Variants in CRIM1 observed in about 807,000 individuals in gnomAD.
CRIM1 encodes cysteine rich transmembrane BMP regulator 1.
CRIM1 carries 32 observed loss-of-function variants against 116.4 expected under a neutral mutation model. The observed-to-expected ratio is 0.27, with a 90% CI of 0.21 to 0.37. The LOEUF (loss-of-function observed/expected upper bound fraction) is 0.37, where lower values mean the gene tolerates loss of function less well. Among genes scored for constraint, CRIM1 ranks in the 10% least tolerant of loss-of-function variants. The pLI, the probability that CRIM1 is intolerant of heterozygous loss-of-function variation, is 1.00. For synonymous variants in CRIM1, 590 were observed against 509.2 expected, an observed-to-expected ratio of 1.16 and a Z score of -2.13; for missense variants, 1,331 against 1,354.8, an observed-to-expected ratio of 0.98 and a Z score of 0.28.
At chr2:36,478,583 G>A (rs1424255153) in intron 6 of CRIM1, among the ~76,000 whole-genome samples, 1 of 152,194 alleles carries the variant, frequency 6.6e-6, no homozygotes, top group Non-Finnish European at 1.5e-5. Flanking sequence ...TCCTAACGCT[G>A]TGATGGCATT....
intron 1 of CRIM1, among the ~76,000 whole-genome samples, chr2:36,357,837 C>A (rs1461073321): frequency 6.6e-6 from 1 of 152,152 alleles, no homozygotes; most frequent in Non-Finnish European, 1.5e-5. Context: ...ACGGTTTATT[C>A]CGAAGCATCT....
Position 36,375,016 on chromosome 2 carries a change from A to G in CRIM1, c.331+18393A>G, listed in dbSNP as rs540639877. 1.5e-4 allele frequency among the ~76,000 whole-genome samples: 23 copies of G among 151,632 alleles called. No individual in the cohort carries two copies. The South Asian group carries it at 4.2e-3, about 27-fold the overall frequency. Reference sequence around the variant, plus strand: ...TTCTGTTGCTTTTTTTTTTTGTAGCATATTATTATATTGCAGATGTTTACT... The same window carrying G: ...TTCTGTTGCTTTTTTTTTTTGTAGCGTATTATTATATTGCAGATGTTTACT... On this transcript the variant is annotated intron_variant, in intron 1 of 16. Coordinates refer to ENST00000280527, the MANE Select transcript of CRIM1 (RefSeq NM_016441.3).
At chr2:36,544,553 G>C (rs1334024228) in intron 15 of CRIM1, 55 bp downstream of exon 15, 1 of 1,309,728 alleles carries the variant, frequency 7.6e-7, no homozygotes, top group Non-Finnish European at 9.8e-7. Context: ...CTACTTAGGT[G>C]TTTTCTAATT....
intron 1 of CRIM1, among the ~76,000 whole-genome samples, chr2:36,370,121 G>T (rs1669851268): frequency 6.6e-6 from 1 of 150,876 alleles, no homozygotes; most frequent in Admixed American, 6.6e-5. Context: ...TAAACTGCCT[G>T]TTAATTGGGA....
At chr2:36,480,617 G>A (rs1449090033) in intron 7 of CRIM1, among the ~76,000 whole-genome samples, 10 of 152,116 alleles carry the variant, frequency 6.6e-5, no homozygotes, top group Admixed American at 1.3e-4. Context: ...TGCTTCCACC[G>A]AAATGTTAAT....
chr2:36,504,619 G>A (rs1681260753), intron 8 of CRIM1, among the ~76,000 whole-genome samples: 1 of 152,160 alleles, frequency 6.6e-6, no homozygotes, highest in African/African-American at 2.4e-5. Flanking sequence ...TCAAAAACTT[G>A]TTTAGAATAA....
chr2:36,472,475 C>G (rs941350082), intron 5 of CRIM1, among the ~76,000 whole-genome samples: 5 of 152,160 alleles, frequency 3.3e-5, no homozygotes, highest in African/African-American at 1.2e-4. Flanking sequence ...CACTTCCACT[C>G]CCTTGATCCT....
intron 1 of CRIM1, among the ~76,000 whole-genome samples, chr2:36,384,568 T>C (rs1671038362): frequency 6.6e-6 from 1 of 152,260 alleles, no homozygotes; most frequent in Non-Finnish European, 1.5e-5. Flanking sequence ...CTTTCTATGT[T>C]CTTGTTGTCT....
In CRIM1 at chr2:36,356,014, CTT is replaced by C. The variant is rs1668769157; in HGVS notation, c.-274_-273del. 6.6e-6 allele frequency: 1 copy of C among 151,836 alleles called. No individual in the cohort carries two copies. The highest frequency in any genetic ancestry group is 1.5e-5 in the Non-Finnish European group (1 of 68,382). 9.4% of individuals were successfully genotyped at this position (151,836 alleles called of 1,614,324 possible). A position where few individuals can be genotyped will look rare whatever the true frequency, so the allele number is the denominator to read the frequency against. ...TTGAACCGGAGCTGCCGGGAGGAAACTTTTTTCTTTTTTCCCCCTCCCTCCCG... is the reference window on the plus strand; with the variant it reads ...TTGAACCGGAGCTGCCGGGAGGAAACTTTTCTTTTTTCCCCCTCCCTCCCG... On this transcript the variant is annotated 5_prime_UTR_variant, in exon 1 of 17. Coordinates refer to ENST00000280527, the MANE Select transcript of CRIM1 (RefSeq NM_016441.3). The surrounding 1 kb of genome is among the most constrained non-coding windows in gnomAD (Gnocchi z 4.3).
At chr2:36,512,606 G>T (rs756865351) in intron 10 of CRIM1, among the ~76,000 whole-genome samples, 1 of 152,144 alleles carries the variant, frequency 6.6e-6, no homozygotes, top group Non-Finnish European at 1.5e-5. Context: ...GTATATGATG[G>T]ACAAGCACAT....
At chr2:36,509,173 T>C (rs1362111164) in intron 8 of CRIM1, among the ~76,000 whole-genome samples, 4 of 152,212 alleles carry the variant, frequency 2.6e-5, no homozygotes, top group African/African-American at 9.6e-5. Flanking sequence ...TGCAGTATTA[T>C]ATGATAGCAT....
chr2:36,429,663 A>C (rs935666024), intron 2 of CRIM1, among the ~76,000 whole-genome samples: 1 of 152,214 alleles, frequency 6.6e-6, no homozygotes, highest in African/African-American at 2.4e-5. Context: ...TGATGTTTGC[A>C]AGTGGATATG....
intron 15 of CRIM1, among the ~76,000 whole-genome samples, chr2:36,546,083 G>GT (rs1453897533): frequency 6.6e-6 from 1 of 152,088 alleles, no homozygotes; most frequent in Non-Finnish European, 1.5e-5. Context: ...ACAAAGCTCT[G>GT]TCACTTCATG....
chr2:36,510,097 G>A lies in CRIM1; in HGVS notation c.1616G>A (p.Cys539Tyr). 1 of 1,614,150 alleles carries A rather than the reference G, an allele frequency of 6.2e-7. No individual in the cohort carries two copies. The highest frequency in any genetic ancestry group is 8.5e-7 in the Non-Finnish European group (1 of 1,180,018). The change falls in exon 9 of 17, where the codon TGC becomes TAC. Residue 539 changes from cysteine to tyrosine, a missense_variant. Cys to Tyr is a radical substitution (Grantham distance 194). This residue lies in a region of CRIM1 where 358 missense variants were observed against 436.1 expected (regional missense o/e 0.82). Coordinates refer to ENST00000280527, the MANE Select transcript of CRIM1 (RefSeq NM_016441.3). ...GAGTGCCGCCCAAGGCCCAAGAAGTGCAGACCCATAATCTGTGACAAGTAT... is the reference window on the plus strand; with the variant it reads ...GAGTGCCGCCCAAGGCCCAAGAAGTACAGACCCATAATCTGTGACAAGTAT... ...ICECRPRPKK[C>Y]RPIICDKYCP...
intron 12 of CRIM1, among the ~76,000 whole-genome samples, chr2:36,519,214 T>G (rs1665220365): frequency 6.6e-6 from 1 of 152,100 alleles, no homozygotes; most frequent in African/African-American, 2.4e-5. Context: ...AACTCAGAGG[T>G]TCCACCCATA....
At chr2:36,479,774 T>C in intron 7 of CRIM1, 80 bp downstream of exon 7, 1 of 1,401,536 alleles carries the variant, frequency 7.1e-7, no homozygotes. Flanking sequence ...TTCTTGTTTG[T>C]TTATTTCCTT....
Position 36,464,447 on chromosome 2 carries a change from A to G in CRIM1, c.870-87A>G, listed in dbSNP as rs566813264. On this transcript the variant is annotated intron_variant, in intron 4 of 16. Coordinates refer to ENST00000280527, the MANE Select transcript of CRIM1 (RefSeq NM_016441.3). ...TGTCGTATAGACCAGGTACTTTGCC[A>G]CAGCCACTGCCACTTTGTTTGTGGT... is the stretch of plus-strand genomic sequence containing the variant. 204 of 1,464,718 alleles carry G rather than the reference A, an allele frequency of 1.4e-4. 1 individual carries two copies. In the African/African-American group the frequency reaches 2.4e-3, roughly 18 times the overall value. 90.7% of individuals were successfully genotyped at this position (1,464,718 alleles called of 1,614,324 possible).
chr2:36,444,880 C>T (rs1676122501), intron 4 of CRIM1, among the ~76,000 whole-genome samples: 1 of 152,214 alleles, frequency 6.6e-6, no homozygotes, highest in African/African-American at 2.4e-5. Flanking sequence ...ATTTCCTGCT[C>T]TTTGAAGTGT....
intron 7 of CRIM1, among the ~76,000 whole-genome samples, chr2:36,491,386 A>C (rs973510054): frequency 6.6e-6 from 1 of 152,190 alleles, no homozygotes; most frequent in Non-Finnish European, 1.5e-5. Flanking sequence ...AACAGCCTTA[A>C]GATCTGGCTT....
Sources: gnomAD v4.1 joint callset for allele counts (sites outside exome capture counted in the v4.1 genomes callset) on GRCh38, gnomAD v4.1.1 for gene constraint, gnomAD v4.1.1 regional missense constraint, Gnocchi (gnomAD v3.1) non-coding constraint, MANE v1.5 for transcripts, NCBI Gene and HGNC (gene_info 2026-07-23, HGNC 2026-07-21) for gene names.